The following CDC16 variants were observed in gnomAD, a reference collection of about 807,000 sequenced individuals.
CDC16 encodes the protein cell division cycle 16.
CDC16 carries 34 observed loss-of-function variants against 87.0 expected under a neutral mutation model. The observed-to-expected ratio is 0.39, with a 90% confidence interval of 0.30 to 0.52. The LOEUF (loss-of-function observed/expected upper bound fraction) is 0.52, where lower values mean the gene tolerates loss of function less well. CDC16 is among the 20% of genes least tolerant of loss of function. The probability of loss-of-function intolerance (pLI) is 0.74; values close to 1 mark genes in which losing one functional copy is unlikely to be tolerated. For synonymous variants in CDC16, 263 were observed against 260.6 expected (o/e 1.01, Z -0.09); for missense variants, 653 against 751.9 (o/e 0.87, Z 1.54).
chr13:114,247,487 G>A (rs1408382475), intron 11 of CDC16, among the ~76,000 whole-genome samples: 1 of 151,848 alleles, frequency 6.6e-6, no homozygotes, highest in Non-Finnish European at 1.5e-5. Context: ...TTTTCTTCAA[G>A]TGGTTTGTTC....
chr13:114,253,487 C>G (rs969266228), intron 12 of CDC16, among the ~76,000 whole-genome samples: 1 of 151,858 alleles, frequency 6.6e-6, no homozygotes, highest in African/African-American at 2.4e-5. Context: ...GTCAGGAGTT[C>G]AAGACCAGCC....
intron 13 of CDC16, among the ~76,000 whole-genome samples, chr13:114,258,888 AGGAG>A (rs1293435918): frequency 1.3e-5 from 2 of 152,124 alleles, no homozygotes; most frequent in Non-Finnish European, 1.5e-5. Flanking sequence ...GCTTGAGGCC[AGGAG>A]TTTGAGACCA....
rs189467244 is a variant in CDC16, at chr13:114,247,768, C to T, written c.971+764C>T. On this transcript the variant is annotated intron_variant, in intron 11 of 17. Transcript: ENST00000356221. ...AGTGGGCATCTGCATCCCAGCTACT[C>T]GGGAGGCTGAGACAGGAGAATCGCT... Among the ~76,000 whole-genome samples, 39 of 152,088 alleles carry T rather than the reference C, an allele frequency of 2.6e-4. No individual in the cohort carries two copies. The East Asian group carries it at 5.0e-3, about 20-fold the overall frequency.
intron 17 of CDC16, 40 bp from the exon 18 acceptor site, chr13:114,272,144 G>A (rs2083725903): frequency 8.7e-7 from 1 of 1,146,158 alleles, no homozygotes; most frequent in African/African-American, 1.6e-5. Context: ...ATAAGTGATG[G>A]AATTTCTTAT....
intron 12 of CDC16, among the ~76,000 whole-genome samples, chr13:114,251,433 A>G (rs2082170465): frequency 6.6e-6 from 1 of 152,264 alleles, no homozygotes; most frequent in African/African-American, 2.4e-5. Context: ...TGTCTTACAC[A>G]TAGAAAGCAC....
chr13:114,243,170 G>T, intron 6 of CDC16, 87 bp from the exon 7 acceptor site: 1 of 718,198 alleles, frequency 1.4e-6, no homozygotes, highest in Admixed American at 2.2e-5. Context: ...CTTAGACCAA[G>T]AACTGTAGAA....
chr13:114,245,917 G>C (rs2081843239), intron 9 of CDC16, 83 bp from the exon 10 acceptor site: 1 of 738,212 alleles, frequency 1.4e-6, no homozygotes, highest in African/African-American at 1.8e-5. Context: ...AGAATTATAT[G>C]ATTGTGAAGA....
At chr13:114,263,943 A>G (rs909967616) in intron 16 of CDC16, among the ~76,000 whole-genome samples, 1 of 152,244 alleles carries the variant, frequency 6.6e-6, no homozygotes, top group Non-Finnish European at 1.5e-5. Flanking sequence ...AGGAAACCAC[A>G]GGTAAAAGGG....
chr13:114,268,543 A>C (rs1390693338), intron 17 of CDC16, among the ~76,000 whole-genome samples: 1 of 152,178 alleles, frequency 6.6e-6, no homozygotes, highest in East Asian at 1.9e-4. Context: ...CAGAGGCTGA[A>C]GTGAAGTTAC....
intron 6 of CDC16, 108 bp downstream of exon 6, chr13:114,242,388 A>G (rs2081596393): frequency 3.2e-6 from 3 of 948,196 alleles, no homozygotes; most frequent in East Asian, 2.4e-5. Flanking sequence ...ACAGGTTTAA[A>G]TAGACCTACT....
At chr13:114,256,511 T>C (rs1283058382) in intron 12 of CDC16, among the ~76,000 whole-genome samples, 1 of 152,212 alleles carries the variant, frequency 6.6e-6, no homozygotes, top group Non-Finnish European at 1.5e-5. Context: ...TGTGAACAGA[T>C]GAAAATTCAA....
intron 12 of CDC16, among the ~76,000 whole-genome samples, chr13:114,254,593 T>A (rs531632033): frequency 6.6e-6 from 1 of 152,324 alleles, no homozygotes; most frequent in South Asian, 2.1e-4. Flanking sequence ...CTGTTATTAT[T>A]ATTTATTCTG....
intron 1 of CDC16, 36 bp from the exon 2 acceptor site, chr13:114,236,609 G>T: frequency 6.3e-7 from 1 of 1,593,170 alleles, no homozygotes; most frequent in Non-Finnish European, 8.5e-7. Flanking sequence ...TAAAATAACA[G>T]GGCAGTTACC....
intron 3 of CDC16, among the ~76,000 whole-genome samples, chr13:114,238,174 CT>C: frequency 6.6e-6 from 1 of 150,494 alleles, no homozygotes; most frequent in African/African-American, 2.5e-5. Context: ...CTGCTGTGAG[CT>C]CCTCGGACGC....
Position 114,238,919 on chromosome 13 carries a change from T to TA in CDC16, c.202-70dup. 10 of 1,537,526 alleles carry TA rather than the reference T, an allele frequency of 6.5e-6. No individual in the cohort carries two copies. The South Asian group carries it at 1.2e-4, about 19-fold the overall frequency. The stretch of plus-strand genomic sequence containing the variant: ...TATGAAATTAGTTCTATTTTATGCT[T>TA]ATGGCTTTCTTTGAAAGTGAAGATA... On this transcript the variant is annotated intron_variant, in intron 3 of 17. Coordinates refer to ENST00000356221, the MANE Select transcript of CDC16 (RefSeq NM_001078645.3).
chr13:114,253,387 C>T (rs1383138178), intron 12 of CDC16, among the ~76,000 whole-genome samples: 1 of 151,758 alleles, frequency 6.6e-6, no homozygotes, highest in Non-Finnish European at 1.5e-5. Flanking sequence ...GATTTTAGTC[C>T]TTTTAAATTT....
chr13:114,237,412 C>T (rs2081310740), intron 3 of CDC16, among the ~76,000 whole-genome samples: 1 of 152,070 alleles, frequency 6.6e-6, no homozygotes, highest in Non-Finnish European at 1.5e-5. Flanking sequence ...GCCTCAGCCT[C>T]CCTAATAGCT....
rs543943510 is a variant in CDC16, at chr13:114,252,639, G to A, written c.1097+1965G>A. 5.4e-5 allele frequency among the ~76,000 whole-genome samples: 7 copies of A among 130,142 alleles called. No individual in the cohort carries two copies. The South Asian group carries it at 1.7e-3, about 31-fold the overall frequency. 85.4% of individuals were successfully genotyped at this position (130,142 alleles called of 152,430 possible). A position where few individuals can be genotyped will look rare whatever the true frequency, so the allele number is the denominator to read the frequency against. On this transcript the variant is annotated intron_variant, in intron 12 of 17. Transcript: ENST00000356221. ...CCCCTATGTATCAATATGATAATTTGTTACCAAAAAAAAAATCTCAATAAT... is the reference window on the plus strand; with the variant it reads ...CCCCTATGTATCAATATGATAATTTATTACCAAAAAAAAAATCTCAATAAT...
chr13:114,246,284 T>A (rs1238187812), intron 10 of CDC16, among the ~76,000 whole-genome samples: 1 of 152,248 alleles, frequency 6.6e-6, no homozygotes, highest in Admixed American at 6.5e-5. Flanking sequence ...TTTTTCTGAT[T>A]ATAGAAGTTA....
Sources: gnomAD v4.1 joint callset for allele counts (sites outside exome capture counted in the v4.1 genomes callset) on GRCh38, gnomAD v4.1.1 for gene constraint, MANE v1.5 for transcripts, NCBI Gene and HGNC (gene_info 2026-07-23, HGNC 2026-07-21) for gene names.